Variants in PDE10A observed in about 807,000 individuals in gnomAD.
The protein encoded by PDE10A is cAMP and cAMP-inhibited cGMP 3',5'-cyclic phosphodiesterase 10A.
A neutral mutation model predicts 97.7 loss-of-function variants in PDE10A; 39 were observed. The observed-to-expected ratio is 0.40, with a 90% confidence interval of 0.31 to 0.52. The LOEUF (loss-of-function observed/expected upper bound fraction) is 0.52. Among genes scored for constraint, PDE10A ranks in the 20% least tolerant of loss-of-function variants. PDE10A has a pLI of 0.56. For missense variants in PDE10A, 731 were observed against 1,047.8 expected (o/e 0.70, Z 4.17); for synonymous variants, 371 against 376.8 (o/e 0.98, Z 0.18).
intron 1 of PDE10A, among the ~76,000 whole-genome samples, chr6:165,848,391 G>A (rs933221927): frequency 2.6e-5 from 4 of 152,146 alleles, no homozygotes; most frequent in African/African-American, 4.8e-5. Flanking sequence ...AGGAGGCGTG[G>A]AGTGGCTTGT....
At chr6:165,545,233 C>T (rs1490507742) in intron 1 of PDE10A, 2 of 497,998 alleles carry the variant, frequency 4.0e-6, no homozygotes, top group East Asian at 5.7e-5. Flanking sequence ...TTCAACAATC[C>T]ATAATGACGA....
chr6:165,517,279 C>T (rs1020667674), intron 2 of PDE10A, among the ~76,000 whole-genome samples: 10 of 152,100 alleles, frequency 6.6e-5, no homozygotes, highest in Admixed American at 5.2e-4. Flanking sequence ...ACAAATACAT[C>T]TTACAAGTCT....
intron 3 of PDE10A, among the ~76,000 whole-genome samples, chr6:165,464,285 G>C (rs1778509313): frequency 6.6e-6 from 1 of 152,140 alleles, no homozygotes; most frequent in Non-Finnish European, 1.5e-5. Flanking sequence ...TATTAGGAGA[G>C]ATGAAAAACC....
chr6:165,857,323 G>A (rs1780764635), intron 1 of PDE10A, among the ~76,000 whole-genome samples: 1 of 152,218 alleles, frequency 6.6e-6, no homozygotes, highest in Non-Finnish European at 1.5e-5. Context: ...GCAAACCATG[G>A]CCTTTCAGCC....
intron 2 of PDE10A, among the ~76,000 whole-genome samples, chr6:165,506,908 C>T (rs1781227957): frequency 6.6e-6 from 1 of 152,106 alleles, no homozygotes; most frequent in African/African-American, 2.4e-5. Context: ...TGTCTTTGTC[C>T]CGGAAGCACA....
At chr6:165,521,203 T>C (rs1264054909) in intron 2 of PDE10A, among the ~76,000 whole-genome samples, 2 of 152,140 alleles carry the variant, frequency 1.3e-5, no homozygotes, top group East Asian at 1.9e-4. Flanking sequence ...GTGAACTTAA[T>C]TGATAAACAT....
intron 1 of PDE10A, among the ~76,000 whole-genome samples, chr6:165,779,508 G>A (rs183955770): frequency 1.4e-4 from 21 of 152,212 alleles, no homozygotes; most frequent in Admixed American, 8.5e-4. Context: ...ATTGCCAAGC[G>A]GCCGTACTCT....
At chr6:165,534,296 TA>T (rs1782949283) in intron 2 of PDE10A, among the ~76,000 whole-genome samples, 1 of 117,200 alleles carries the variant, frequency 8.5e-6, no homozygotes, top group Non-Finnish European at 1.9e-5. Context: ...GATGCAATAA[TA>T]AAAAGTCTTC....
intron 1 of PDE10A, among the ~76,000 whole-genome samples, chr6:165,908,533 G>A (rs894725396): frequency 2.0e-5 from 3 of 152,204 alleles, no homozygotes; most frequent in East Asian, 1.9e-4. Context: ...AATCCAGCAC[G>A]GGGGCCAGGA....
intron 1 of PDE10A, among the ~76,000 whole-genome samples, chr6:165,650,725 T>A (rs556032329): frequency 6.6e-6 from 1 of 152,042 alleles, no homozygotes; most frequent in Admixed American, 6.6e-5. Flanking sequence ...GTAATAAATA[T>A]CTAGAAGCAG....
intron 1 of PDE10A, among the ~76,000 whole-genome samples, chr6:165,598,405 G>C (rs925348257): frequency 6.6e-6 from 1 of 152,130 alleles, no homozygotes; most frequent in African/African-American, 2.4e-5. Context: ...GAAAGGAAAG[G>C]CATTTTTAGC....
intron 1 of PDE10A, among the ~76,000 whole-genome samples, chr6:165,748,419 A>G (rs943389649): frequency 3.9e-5 from 6 of 152,332 alleles, no homozygotes; most frequent in African/African-American, 1.4e-4. Context: ...TGTGGTTTCC[A>G]GCAGCATCAC....
intron 1 of PDE10A, among the ~76,000 whole-genome samples, chr6:165,609,858 A>T (rs1447460187): frequency 4.6e-5 from 7 of 152,220 alleles, no homozygotes; most frequent in African/African-American, 1.7e-4. Flanking sequence ...TAAATAAAAG[A>T]GGACACAAAC....
chr6:165,750,688 T>G (rs1314718238), intron 1 of PDE10A, among the ~76,000 whole-genome samples: 1 of 152,192 alleles, frequency 6.6e-6, no homozygotes, highest in Non-Finnish European at 1.5e-5. Flanking sequence ...ATGAGGAGTT[T>G]TCCTTTTCTG....
intron 1 of PDE10A, among the ~76,000 whole-genome samples, chr6:165,648,669 C>T (rs1789528276): frequency 6.6e-6 from 1 of 152,000 alleles, no homozygotes; most frequent in African/African-American, 2.4e-5. Flanking sequence ...CAACACAAAA[C>T]AAAGAAAATT....
At chr6:165,605,985 G>GCCCTGTCC (rs1407188099) in intron 1 of PDE10A, among the ~76,000 whole-genome samples, 1 of 151,998 alleles carries the variant, frequency 6.6e-6, no homozygotes, top group East Asian at 1.9e-4. Flanking sequence ...CATGGACAGG[G>GCCCTGTCC]ATTATTTCTG....
chr6:165,503,658 G>A (rs1781028285), intron 2 of PDE10A, among the ~76,000 whole-genome samples: 1 of 152,240 alleles, frequency 6.6e-6, no homozygotes, highest in Admixed American at 6.5e-5. Context: ...CTGTTCACTG[G>A]AATGAAGAAA....
At chr6:165,938,705 G>A (rs1291575406) in intron 1 of PDE10A, among the ~76,000 whole-genome samples, 3 of 151,860 alleles carry the variant, frequency 2.0e-5, no homozygotes, top group Non-Finnish European at 4.4e-5. Context: ...AAGAAGTCCT[G>A]TAGTGTTCAG....
Position 165,661,746 on chromosome 6 carries a change from G to A in PDE10A, c.865+201C>T, listed in dbSNP as rs1790276419. Reference sequence around the variant, plus strand: ...CTCGCGGAGCCTGGGAAACCCCGGCGTCCCTGCGCGGCCGAACGCTCCCGC... The same window carrying A: ...CTCGCGGAGCCTGGGAAACCCCGGCATCCCTGCGCGGCCGAACGCTCCCGC... On this transcript the variant is annotated intron_variant, in intron 1 of 21. Coordinates refer to ENST00000539869, the MANE Select transcript of PDE10A (RefSeq NM_001385079.1). The surrounding 1 kb of genome is among the most constrained non-coding windows in gnomAD (Gnocchi z 4.8). 1.3e-5 allele frequency among the ~76,000 whole-genome samples: 2 copies of A among 152,166 alleles called. No homozygotes were observed. Among genetic ancestry groups the A allele is most frequent in the East Asian group, 3.9e-4 (2 of 5,104 alleles).
Sources: gnomAD v4.1 joint callset for allele counts (sites outside exome capture counted in the v4.1 genomes callset) on GRCh38, gnomAD v4.1.1 for gene constraint, Gnocchi (gnomAD v3.1) non-coding constraint, MANE v1.5 for transcripts, NCBI Gene and HGNC (gene_info 2026-07-23, HGNC 2026-07-21) for gene names.